FER: variants seen among roughly 807,000 people sequenced by gnomAD.
The protein encoded by FER is tyrosine-protein kinase Fer.
Under a neutral mutation model 111.0 loss-of-function variants are expected in FER, and 63 were observed. That is an observed-to-expected ratio of 0.57 (90% CI 0.46 to 0.70). The LOEUF (loss-of-function observed/expected upper bound fraction) is 0.70, where lower values mean the gene tolerates loss of function less well. Ranked by LOEUF, FER falls within the 30% of genes least tolerant of loss-of-function variation. The probability of loss-of-function intolerance (pLI) is 0.00; values close to 1 mark genes in which losing one functional copy is unlikely to be tolerated. For missense variants in FER, 914 were observed against 954.0 expected (o/e 0.96, Z 0.55); for synonymous variants, 327 against 313.9 (o/e 1.04, Z -0.44).
chr5:109,079,640 G>C (rs1424396331), intron 16 of FER, among the ~76,000 whole-genome samples: 1 of 152,064 alleles, frequency 6.6e-6, no homozygotes, highest in Admixed American at 6.6e-5. Context: ...ACACATGTCA[G>C]TGTAGATGCC....
chr5:108,837,148 T>A (rs764437825), intron 5 of FER, among the ~76,000 whole-genome samples: 1 of 152,198 alleles, frequency 6.6e-6, no homozygotes, highest in Non-Finnish European at 1.5e-5. Flanking sequence ...AGTTCCAACA[T>A]TGTGTGATTA....
intron 10 of FER, among the ~76,000 whole-genome samples, chr5:108,908,754 G>C (rs550228165): frequency 6.6e-6 from 1 of 152,066 alleles, no homozygotes; most frequent in South Asian, 2.1e-4. Context: ...ATATTTGAAG[G>C]CCAGGTGTGG....
chr5:109,107,722 G>A (rs17450345), intron 17 of FER, among the ~76,000 whole-genome samples: 14,717 of 152,078 alleles, frequency 0.097, 941 homozygotes, highest in Non-Finnish European at 0.14. Flanking sequence ...ACCAAGGCAG[G>A]ATCTCTTTTT....
chr5:108,934,151 A>G (rs1269382341), intron 10 of FER, among the ~76,000 whole-genome samples: 1 of 152,138 alleles, frequency 6.6e-6, no homozygotes, highest in South Asian at 2.1e-4. Flanking sequence ...GTTTTGAATG[A>G]ATGACTGATG....
chr5:108,764,132 C>A (rs559325328), intron 1 of FER, among the ~76,000 whole-genome samples: 1 of 151,992 alleles, frequency 6.6e-6, no homozygotes, highest in Non-Finnish European at 1.5e-5. Flanking sequence ...CCACCCAAAC[C>A]GTGTGGATTG....
chr5:109,118,860 A>G (rs1297851104), intron 17 of FER, among the ~76,000 whole-genome samples: 1 of 150,368 alleles, frequency 6.7e-6, no homozygotes, highest in Non-Finnish European at 1.5e-5. Flanking sequence ...TATCCCCTTT[A>G]TCATTTTTTA....
chr5:109,076,783 T>C (rs1217975998), intron 16 of FER, among the ~76,000 whole-genome samples: 1 of 152,196 alleles, frequency 6.6e-6, no homozygotes, highest in Admixed American at 6.5e-5. Flanking sequence ...TTCCCTGTAA[T>C]AGCAATAACA....
At chr5:109,003,824 A>T (rs1301554054) in intron 13 of FER, among the ~76,000 whole-genome samples, 1 of 152,068 alleles carries the variant, frequency 6.6e-6, no homozygotes, top group Non-Finnish European at 1.5e-5. Context: ...TACAAAAAAA[A>T]TTAAAATTTG....
At chr5:108,869,512 T>C (rs1764401140) in intron 6 of FER, among the ~76,000 whole-genome samples, 1 of 152,012 alleles carries the variant, frequency 6.6e-6, no homozygotes, top group African/African-American at 2.4e-5. Context: ...GGATTTAGAG[T>C]AGGCCCTAAA....
chr5:109,179,987 G>A (rs746108281), intron 17 of FER, among the ~76,000 whole-genome samples: 1 of 152,174 alleles, frequency 6.6e-6, no homozygotes. Context: ...ATGAAGAGGA[G>A]CCAGCTATGC....
intron 16 of FER, among the ~76,000 whole-genome samples, chr5:109,071,419 A>G (rs974820796): frequency 6.6e-6 from 1 of 152,098 alleles, no homozygotes; most frequent in African/African-American, 2.4e-5. Context: ...CAGGGGGTAC[A>G]TCATATCCAC....
chr5:109,052,080 G>C (rs1439311494), intron 16 of FER: 5 of 1,603,072 alleles, frequency 3.1e-6, no homozygotes, highest in Middle Eastern at 1.6e-4. Flanking sequence ...TCTGCTTCAA[G>C]TGCATCTCCA....
intron 8 of FER, among the ~76,000 whole-genome samples, chr5:108,880,746 G>A (rs569856614): frequency 1.5e-3 from 225 of 152,024 alleles, no homozygotes; most frequent in African/African-American, 5.1e-3. Flanking sequence ...TATGATTAAA[G>A]AAAAATGTTC....
At chr5:109,043,532 T>C (rs1771487752) in intron 14 of FER, among the ~76,000 whole-genome samples, 1 of 152,194 alleles carries the variant, frequency 6.6e-6, no homozygotes, top group Non-Finnish European at 1.5e-5. Flanking sequence ...TATTTATTAA[T>C]AAGCCGTAGT....
At chr5:109,058,883 C>T (rs531080367) in intron 16 of FER, among the ~76,000 whole-genome samples, 4 of 151,584 alleles carry the variant, frequency 2.6e-5, no homozygotes, top group Non-Finnish European at 5.9e-5. Flanking sequence ...TAGGAGCCCA[C>T]CACCATGCCC....
intron 2 of FER, among the ~76,000 whole-genome samples, chr5:108,780,363 A>G (rs1338752847): frequency 3.4e-5 from 5 of 147,310 alleles, no homozygotes; most frequent in Non-Finnish European, 7.4e-5. Context: ...TTCAAGGTAC[A>G]TAATTCTAGG....
At chr5:109,019,895 A>G (rs1044582409) in intron 13 of FER, among the ~76,000 whole-genome samples, 7 of 151,932 alleles carry the variant, frequency 4.6e-5, no homozygotes, top group Admixed American at 3.3e-4. Context: ...CAATATAAAC[A>G]TTATCACCAA....
At chr5:108,992,454 G>A (rs1189307692) in intron 13 of FER, among the ~76,000 whole-genome samples, 1 of 151,870 alleles carries the variant, frequency 6.6e-6, no homozygotes, top group Non-Finnish European at 1.5e-5. Flanking sequence ...AGGGGCGGCA[G>A]GGCAGAGGCG....
At chr5:108,774,594 T>C (rs1343326634) in intron 2 of FER, among the ~76,000 whole-genome samples, 3 of 152,182 alleles carry the variant, frequency 2.0e-5, no homozygotes, top group Non-Finnish European at 1.5e-5. Flanking sequence ...ATAATCACCA[T>C]TGTGATTGGC....
Sources: allele counts gnomAD v4.1 joint callset (sites outside exome capture counted in the v4.1 genomes callset), GRCh38; gene constraint gnomAD v4.1.1; transcripts MANE v1.5; gene names NCBI Gene and HGNC (gene_info 2026-07-23, HGNC 2026-07-21).